The following AUTS2 variants were observed in gnomAD, a reference collection of about 807,000 sequenced individuals.
AUTS2 encodes autism susceptibility gene 2 protein.
Under a neutral mutation model 112.4 loss-of-function variants are expected in AUTS2, and 17 were observed. That is an observed-to-expected ratio of 0.15 (90% CI 0.10 to 0.23). AUTS2 has a LOEUF of 0.23. Ranked by LOEUF, AUTS2 falls within the 10% of genes least tolerant of loss-of-function variation. The pLI is 1.00. For synonymous variants in AUTS2, 751 were observed against 702.7 expected, an observed-to-expected ratio of 1.07 and a Z score of -1.09; for missense variants, 1,510 against 1,701.6, an observed-to-expected ratio of 0.89 and a Z score of 1.98.
chr7:69,966,505 CTT>C (rs1469860237), intron 2 of AUTS2, among the ~76,000 whole-genome samples: 2 of 152,202 alleles, frequency 1.3e-5, no homozygotes, highest in Non-Finnish European at 2.9e-5. Flanking sequence ...CTGTCTCTCT[CTT>C]TACAGGTGGG....
intron 5 of AUTS2, among the ~76,000 whole-genome samples, chr7:70,603,475 G>T (rs936512219): frequency 6.6e-6 from 1 of 152,176 alleles, no homozygotes; most frequent in Non-Finnish European, 1.5e-5. Flanking sequence ...CGTCGCTGGG[G>T]TCTGGCACCC....
At chr7:70,749,257 C>T (rs1585622309) in intron 6 of AUTS2, among the ~76,000 whole-genome samples, 1 of 152,250 alleles carries the variant, frequency 6.6e-6, no homozygotes, top group East Asian at 1.9e-4. Context: ...GGACAGCCTC[C>T]CTCAGCAGTG....
chr7:69,849,783 T>G, intron 1 of AUTS2, among the ~76,000 whole-genome samples: 1 of 152,192 alleles, frequency 6.6e-6, no homozygotes, highest in East Asian at 1.9e-4. Flanking sequence ...TATTCTTTAT[T>G]ACTACCTAGT....
At chr7:70,512,328 G>C (rs935410444) in intron 5 of AUTS2, among the ~76,000 whole-genome samples, 1 of 152,196 alleles carries the variant, frequency 6.6e-6, no homozygotes, top group Non-Finnish European at 1.5e-5. Context: ...TTCAAATGCT[G>C]TTTTGAGCTA....
intron 2 of AUTS2, among the ~76,000 whole-genome samples, chr7:69,999,882 G>C (rs912218469): frequency 2.0e-5 from 3 of 152,182 alleles, no homozygotes; most frequent in Non-Finnish European, 4.4e-5. Context: ...TGGAGAGGTG[G>C]TGGAAGATGG....
intron 4 of AUTS2, among the ~76,000 whole-genome samples, chr7:70,171,545 C>T (rs1292545592): frequency 2.6e-5 from 4 of 152,068 alleles, no homozygotes; most frequent in African/African-American, 4.8e-5. Context: ...TCATAAACTG[C>T]GAGGCAACAT....
At chr7:70,185,310 C>A (rs551033121) in intron 4 of AUTS2, among the ~76,000 whole-genome samples, 2 of 125,902 alleles carry the variant, frequency 1.6e-5, no homozygotes, top group South Asian at 2.6e-4. Flanking sequence ...TCCTATGTTG[C>A]GCTCGCTAGT....
chr7:69,877,674 T>C (rs1383369924), intron 1 of AUTS2, among the ~76,000 whole-genome samples: 2 of 152,106 alleles, frequency 1.3e-5, no homozygotes, highest in Non-Finnish European at 2.9e-5. Context: ...GAGTACCTAG[T>C]GTTTAGTTCC....
At chr7:70,307,807 C>T (rs1287161803) in intron 4 of AUTS2, among the ~76,000 whole-genome samples, 3 of 151,926 alleles carry the variant, frequency 2.0e-5, no homozygotes, top group African/African-American at 7.3e-5. Context: ...GTTGAAATGC[C>T]ATAAAATATA....
intron 4 of AUTS2, among the ~76,000 whole-genome samples, chr7:70,170,857 C>T (rs549741812): frequency 1.3e-5 from 2 of 152,296 alleles, no homozygotes; most frequent in South Asian, 2.1e-4. Context: ...CCACCTTCCT[C>T]GGCCTCCTAG....
At chr7:69,694,069 T>C (rs1445228522) in intron 1 of AUTS2, among the ~76,000 whole-genome samples, 1 of 152,240 alleles carries the variant, frequency 6.6e-6, no homozygotes, top group Non-Finnish European at 1.5e-5. Context: ...GCCATTTAGA[T>C]GTCTCCTCTT....
At chr7:69,806,197 CTTTTTTTTTTTTTT>C (rs56704400) in intron 1 of AUTS2, among the ~76,000 whole-genome samples, 44 of 55,026 alleles carry the variant, frequency 8.0e-4, no homozygotes, top group Middle Eastern at 0.04. Context: ...CCAGCCAAGG[CTTTTTTTTTTTTTT>C]TTTTTTTTTT....
chr7:69,761,084 C>T (rs937835965), intron 1 of AUTS2, among the ~76,000 whole-genome samples: 16 of 152,160 alleles, frequency 1.1e-4, no homozygotes, highest in Non-Finnish European at 4.4e-5. Context: ...TTTCTCCTTT[C>T]CCCTCTACTA....
intron 4 of AUTS2, among the ~76,000 whole-genome samples, chr7:70,170,659 C>T (rs1310743756): frequency 1.4e-5 from 2 of 141,702 alleles, no homozygotes; most frequent in Non-Finnish European, 3.0e-5. Context: ...TGCGGTGGTG[C>T]GATCTCAGCT....
rs143427577 is a variant in AUTS2, at chr7:69,995,829, C to T, written c.522+96331C>T. On this transcript the variant is annotated intron_variant, in intron 2 of 18. Coordinates refer to ENST00000342771, the MANE Select transcript of AUTS2 (RefSeq NM_015570.4). ...AATCTACCTGAAAGTTTGACAGATG[C>T]ATGGAAGCCAGGAGCATTTTAGGAA... 1.5e-3 allele frequency among the ~76,000 whole-genome samples: 231 copies of T among 152,272 alleles called. 1 individual carries two copies. The highest frequency in any genetic ancestry group is 4.7e-3 in the African/African-American group (194 of 41,560).
intron 4 of AUTS2, among the ~76,000 whole-genome samples, chr7:70,224,179 A>T (rs1044226885): frequency 3.9e-5 from 6 of 151,998 alleles, no homozygotes; most frequent in Non-Finnish European, 8.8e-5. Context: ...AGTGGGCATG[A>T]TGGTGTGTGC....
intron 2 of AUTS2, among the ~76,000 whole-genome samples, chr7:69,968,590 G>A (rs1797722077): frequency 6.6e-6 from 1 of 152,154 alleles, no homozygotes; most frequent in Non-Finnish European, 1.5e-5. Flanking sequence ...ATCAAGAAAT[G>A]AGATTTCCAG....
intron 4 of AUTS2, among the ~76,000 whole-genome samples, chr7:70,164,300 A>G (rs970955713): frequency 6.6e-6 from 1 of 152,278 alleles, no homozygotes; most frequent in South Asian, 2.1e-4. Context: ...TTGCTACATT[A>G]TTATTAAATG....
At chr7:70,680,617 T>A (rs532396704) in intron 5 of AUTS2, among the ~76,000 whole-genome samples, 2 of 152,312 alleles carry the variant, frequency 1.3e-5, no homozygotes, top group South Asian at 2.1e-4. Context: ...ATGCAGGTTG[T>A]CAGCTGTGAG....
Sources: gnomAD v4.1 joint callset for allele counts (sites outside exome capture counted in the v4.1 genomes callset) on GRCh38, gnomAD v4.1.1 for gene constraint, MANE v1.5 for transcripts, NCBI Gene and HGNC (gene_info 2026-07-23, HGNC 2026-07-21) for gene names.